The following TDRKH variants were observed in gnomAD, a reference collection of about 807,000 sequenced individuals.
The protein encoded by TDRKH is tudor and KH domain containing.
A neutral mutation model predicts 61.3 loss-of-function variants in TDRKH; 28 were observed. That is an observed-to-expected ratio of 0.46 (90% CI 0.34 to 0.63). The LOEUF is 0.63. TDRKH is among the 20% of genes least tolerant of loss of function. The pLI, the probability that TDRKH is intolerant of heterozygous loss-of-function variation, is 0.01. For synonymous variants in TDRKH, 219 were observed against 244.4 expected, an observed-to-expected ratio of 0.90 and a Z score of 0.97; for missense variants, 540 against 683.4, an observed-to-expected ratio of 0.79 and a Z score of 2.34.
chr1:151,788,307 AAAT>A (rs957788074), intron 1 of TDRKH, among the ~76,000 whole-genome samples: 2 of 152,216 alleles, frequency 1.3e-5, no homozygotes, highest in African/African-American at 4.8e-5. Flanking sequence ...TCAAGCCAAT[AAAT>A]ATCGAATTCT....
chr1:151,767,348 AT>A, downstream of TDRKH: 1 of 1,595,356 alleles, frequency 6.3e-7, no homozygotes, highest in Non-Finnish European at 8.5e-7. Flanking sequence ...CTTTTCTTGC[AT>A]ACCTTGCAGA....
chr1:151,775,215 C>G, intron 10 of TDRKH, 49 bp from the exon 11 acceptor site: 1 of 1,601,142 alleles, frequency 6.2e-7, no homozygotes. Flanking sequence ...TAAGCAAGGG[C>G]AAATTTGAGG....
At position 151,781,328 on chromosome 1, in the gene TDRKH, A is replaced by AAAATATATATATATATATATATATAT. The variant is rs1491536697; in HGVS notation, c.231+152_231+153insATATATATATATATATATATATATTT. Among the ~76,000 whole-genome samples, 19 of 68,562 alleles carry AAAATATATATATATATATATATATAT rather than the reference A, an allele frequency of 2.8e-4. No individual in the cohort carries two copies. The South Asian group carries it at 3.0e-3, about 11-fold the overall frequency. The allele number at this position is 68,562 out of a possible 152,430, so 45.0% of individuals were successfully genotyped here. On this transcript the variant is annotated intron_variant, in intron 3 of 12. Transcript: ENST00000368824. Reference sequence around the variant, plus strand: ...GCGAAACTCCATCTCAAAAAAAAAAAATATATATATATATATTTTATATAT... The same window carrying AAAATATATATATATATATATATATAT: ...GCGAAACTCCATCTCAAAAAAAAAAAAAATATATATATATATATATATATATATATATATATATATATTTTATATAT...
Position 151,779,166 on chromosome 1 carries a change from C to G in TDRKH, c.498G>C (p.Gly166=), listed in dbSNP as rs746355089. Residue 166 remains glycine (G), a synonymous_variant, in exon 5 of 13, where the codon GGG becomes GGC. Coordinates refer to ENST00000368824, the MANE Select transcript of TDRKH (RefSeq NM_001083965.2). The part of the protein sequence containing the change: ...AKITCDKESE[G]TLLLSRLIKI... ...TTATAAGTCTTGATAGTAGTAATGT[C>G]CCTTCTGATTCTTTGTCACAGGTAA... 2 of 1,614,034 alleles carry G rather than the reference C, an allele frequency of 1.2e-6. No individual in the cohort carries two copies. Among genetic ancestry groups the G allele is most frequent in the African/African-American group, 2.7e-5 (2 of 74,906 alleles).
downstream of TDRKH, chr1:151,768,151 G>A: frequency 6.2e-7 from 1 of 1,613,966 alleles, no homozygotes; most frequent in Non-Finnish European, 8.5e-7. Context: ...CCAGACCTCT[G>A]CCCATTGGCA....
Position 151,775,522 on chromosome 1 carries a change from G to C in TDRKH, c.1304C>G (p.Ala435Gly). Reference protein sequence around the residue: ...APSGDQWEEEALDEFDRLTHC... With the variant: ...APSGDQWEEEGLDEFDRLTHC... ...AGTGAGTCTATCAAACTCATCCAAA[G>C]CTTCCTCTTCCCACTGGTCACCTGG... The change falls in exon 10 of 13, where the codon GCT becomes GGT. Residue 435 changes from alanine (A) to glycine (G), a missense_variant. Coordinates refer to ENST00000368824, the MANE Select transcript of TDRKH (RefSeq NM_001083965.2). 1 of 1,613,646 alleles carries C rather than the reference G, an allele frequency of 6.2e-7. No individual in the cohort carries two copies. The highest frequency in any genetic ancestry group is 1.1e-5 in the South Asian group (1 of 90,978).
At chr1:151,784,317 A>G (rs925085018) in intron 1 of TDRKH, among the ~76,000 whole-genome samples, 1 of 152,190 alleles carries the variant, frequency 6.6e-6, no homozygotes, top group South Asian at 2.1e-4. Context: ...CAGCAGACAA[A>G]CATTCTCTGT....
rs1648992006 is a variant in TDRKH at position 151,774,790 on chromosome 1, G to A, written c.1553C>T (p.Ala518Val). The A allele has an allele frequency of 1.2e-6, 2 of 1,614,068 alleles. No individual in the cohort carries two copies. Among genetic ancestry groups the A allele is most frequent in the African/African-American group, 1.3e-5 (1 of 74,922 alleles). ...CTCAGTGAGCAACGTGCTGAGAGAG[G>A]CATCTGTTTCTGTGGCCTGAGTGGA... ...MLKDMATETD[A>V]SLSTLLTETK... Residue 518 changes from alanine to valine, a missense_variant, in exon 12 of 13, where the codon GCC becomes GTC. By Grantham distance (64) the Ala-to-Val change is moderately conservative. This residue lies in a region of TDRKH where 379 missense variants were observed against 443.8 expected (regional missense o/e 0.85). Transcript: ENST00000368824.
intron 1 of TDRKH, among the ~76,000 whole-genome samples, chr1:151,790,020 C>T (rs116607765): frequency 0.012 from 1,885 of 152,280 alleles, 47 homozygotes; most frequent in African/African-American, 0.043. Flanking sequence ...TTAGCGATAA[C>T]TAAAGAAAAA....
At chr1:151,783,562 T>A (rs1346344533) in intron 1 of TDRKH, 1 of 152,316 alleles carries the variant, frequency 6.6e-6, no homozygotes, top group Non-Finnish European at 1.5e-5. Flanking sequence ...CCCTGCTCCA[T>A]CGCCAAAACT....
At position 151,787,808 on chromosome 1, in the gene TDRKH, C is replaced by CAAAAAA. The variant is rs71093211; in HGVS notation, c.-28+2566_-28+2571dup. Among the ~76,000 whole-genome samples, 283 of 50,576 alleles carry CAAAAAA rather than the reference C, an allele frequency of 5.6e-3. 18 individuals carry two copies. The highest frequency in any genetic ancestry group is 0.018 in the African/African-American group (252 of 13,776). The allele number at this position is 50,576 out of a possible 152,430, so 33.2% of individuals were successfully genotyped here. ...GCAACATAGTGAGACTCTGTTTCTA[C>CAAAAAA]AAAAAAAAAAAAAAAAAAAAAAAAA... On this transcript the variant is annotated intron_variant, in intron 1 of 12. Transcript: ENST00000368824.
chr1:151,766,845 C>T (rs779150370), downstream of TDRKH: 21 of 1,612,258 alleles, frequency 1.3e-5, no homozygotes, highest in Middle Eastern at 1.6e-4. Flanking sequence ...TTACAAGTAC[C>T]GGATCACTCT....
rs1648882769 is a variant in TDRKH, at chr1:151,773,641, CCTTTCTA to C, written c.*804_*810del. 1 of 152,264 alleles carries C rather than the reference CCTTTCTA, an allele frequency of 6.6e-6. No individual in the cohort carries two copies. The highest frequency in any genetic ancestry group is 1.5e-5 in the Non-Finnish European group (1 of 68,054). 9.4% of individuals were successfully genotyped at this position (152,264 alleles called of 1,614,324 possible). ...AGAAAATTTCCTGAGCCTCCTGTCT[CCTTTCTA>C]CTTATATTTTAACTAAAGGTTACAG... On this transcript the variant is annotated 3_prime_UTR_variant, in exon 13 of 13. Transcript: ENST00000368824.
At position 151,774,156 on chromosome 1, in the gene TDRKH, A is replaced by G; in HGVS notation, c.*296T>C. The G allele has an allele frequency of 2.7e-6, 1 of 368,732 alleles. No homozygotes were observed. The highest frequency in any genetic ancestry group is 4.2e-5 in the South Asian group (1 of 23,584). The allele number at this position is 368,732 out of a possible 1,614,324, so 22.8% of individuals were successfully genotyped here. A position where few individuals can be genotyped will look rare whatever the true frequency, so the allele number is the denominator to read the frequency against. Reference sequence around the variant, plus strand: ...CCACAGCAAGCCAGACTATATGTGTAATAAAGGAAGGACTGCATGGATCCT... The same window carrying G: ...CCACAGCAAGCCAGACTATATGTGTGATAAAGGAAGGACTGCATGGATCCT... On this transcript the variant is annotated 3_prime_UTR_variant, in exon 13 of 13. Transcript: ENST00000368824.
chr1:151,768,868 C>CT (rs1558131989), downstream of TDRKH, among the ~76,000 whole-genome samples: 1 of 152,186 alleles, frequency 6.6e-6, no homozygotes, highest in South Asian at 2.1e-4. Context: ...GGTGATGACT[C>CT]TTAACGAGCA....
intron 8 of TDRKH, 65 bp downstream of exon 8, chr1:151,776,031 A>G (rs1649134855): frequency 1.3e-6 from 2 of 1,578,690 alleles, no homozygotes; most frequent in South Asian, 2.3e-5. Flanking sequence ...ACAACTGCCA[A>G]CAGCTCACCA....
Position 151,790,399 on chromosome 1 carries a change from CT to C in TDRKH, c.-48del. On this transcript the variant is annotated 5_prime_UTR_variant, in exon 1 of 13. Coordinates refer to ENST00000368824, the MANE Select transcript of TDRKH (RefSeq NM_001083965.2). ...CCAAACCTTCGGTCTCCATCCTCGC[CT>C]TTACCGCTGCTCCAGTCAGCCGTCG... 6.5e-6 allele frequency: 1 copy of C among 153,392 alleles called. No homozygotes were observed. The highest frequency in any genetic ancestry group is 1.5e-5 in the Non-Finnish European group (1 of 68,844). 9.5% of individuals were successfully genotyped at this position (153,392 alleles called of 1,614,324 possible). A position where few individuals can be genotyped will look rare whatever the true frequency, so the allele number is the denominator to read the frequency against.
At chr1:151,789,129 G>C (rs538356561) in intron 1 of TDRKH, among the ~76,000 whole-genome samples, 3 of 152,166 alleles carry the variant, frequency 2.0e-5, no homozygotes, top group Non-Finnish European at 2.9e-5. Flanking sequence ...GCTCACTGCA[G>C]CCTTGAACTC....
intron 1 of TDRKH, 73 bp from the exon 2 acceptor site, chr1:151,783,122 GC>G: frequency 7.1e-7 from 1 of 1,414,274 alleles, no homozygotes; most frequent in Non-Finnish European, 9.5e-7. Context: ...AGGCATGGGA[GC>G]ACATTATTAC....
Sources: gnomAD v4.1 joint callset for allele counts (sites outside exome capture counted in the v4.1 genomes callset) on GRCh38, gnomAD v4.1.1 for gene constraint, gnomAD v4.1.1 regional missense constraint, MANE v1.5 for transcripts, NCBI Gene and HGNC (gene_info 2026-07-23, HGNC 2026-07-21) for gene names.